The following TENM3 variants were observed in gnomAD, a reference collection of about 807,000 sequenced individuals.
The protein encoded by TENM3 is teneurin transmembrane protein 3.
In TENM3, 63 loss-of-function variants were observed where a neutral mutation model predicts 255.1. The ratio of observed to expected loss-of-function variants is 0.25; its 90% CI spans 0.20 to 0.30. The LOEUF is 0.30. Ranked by LOEUF, TENM3 falls within the 10% of genes least tolerant of loss-of-function variation. The pLI, the probability that TENM3 is intolerant of heterozygous loss-of-function variation, is 1.00. For synonymous variants in TENM3, 1,306 were observed against 1,322.3 expected (o/e 0.99, Z 0.27); for missense variants, 2,929 against 3,461.1 (o/e 0.85, Z 3.86).
At chr4:181,798,722 T>G in the TENM3 span, among the ~76,000 whole-genome samples, 1 of 152,208 alleles carries the variant, frequency 6.6e-6, no homozygotes, top group Non-Finnish European at 1.5e-5. Flanking sequence ...AGATTTGGGT[T>G]AGTATATATT....
chr4:182,488,329 A>G (rs1734954742), intron 3 of TENM3, among the ~76,000 whole-genome samples: 1 of 152,202 alleles, frequency 6.6e-6, no homozygotes, highest in Non-Finnish European at 1.5e-5. Flanking sequence ...ACAAAGTATC[A>G]TGATTTGGTG....
At chr4:182,203,160 T>C (rs1362677208) in intron 1 of TENM3, among the ~76,000 whole-genome samples, 1 of 150,780 alleles carries the variant, frequency 6.6e-6, no homozygotes, top group Non-Finnish European at 1.5e-5. Flanking sequence ...GAGGTTGCAG[T>C]GAGCCGAGAT....
At chr4:182,473,430 T>G (rs1689128902) in intron 3 of TENM3, among the ~76,000 whole-genome samples, 1 of 152,160 alleles carries the variant, frequency 6.6e-6, no homozygotes, top group Admixed American at 6.5e-5. Flanking sequence ...TCCCAGCACT[T>G]TGGGAGGCCA....
chr4:181,941,348 T>C, the TENM3 span, among the ~76,000 whole-genome samples: 1 of 151,984 alleles, frequency 6.6e-6, no homozygotes, highest in Non-Finnish European at 1.5e-5. Context: ...CTATTTCATC[T>C]ATTATTACTT....
the TENM3 span, among the ~76,000 whole-genome samples, chr4:181,625,974 G>A: frequency 2.0e-5 from 3 of 152,270 alleles, no homozygotes; most frequent in Admixed American, 2.0e-4. Flanking sequence ...GCCAAGGTCT[G>A]CACAGGCAAT....
At chr4:182,335,781 T>G (rs1764097971) in intron 2 of TENM3, among the ~76,000 whole-genome samples, 1 of 152,204 alleles carries the variant, frequency 6.6e-6, no homozygotes, top group African/African-American at 2.4e-5. Flanking sequence ...ATAATTCTTA[T>G]GACATATATA....
chr4:182,296,350 T>G (rs567550567), intron 1 of TENM3, among the ~76,000 whole-genome samples: 21 of 152,364 alleles, frequency 1.4e-4, no homozygotes, highest in African/African-American at 4.6e-4. Flanking sequence ...CTGATCAAAG[T>G]TGATCTTTCT....
chr4:181,605,587 A>T, the TENM3 span, among the ~76,000 whole-genome samples: 7 of 39,786 alleles, frequency 1.8e-4, 1 homozygote, highest in South Asian at 2.2e-3. Context: ...AAAGAAAGGA[A>T]AGAAAGAAAG....
chr4:181,938,933 A>G, the TENM3 span, among the ~76,000 whole-genome samples: 1 of 152,212 alleles, frequency 6.6e-6, no homozygotes, highest in African/African-American at 2.4e-5. Flanking sequence ...CATAAATGGT[A>G]CATTGTCCTA....
At chr4:182,630,048 C>T (rs757365519) in intron 5 of TENM3, among the ~76,000 whole-genome samples, 6 of 152,118 alleles carry the variant, frequency 3.9e-5, no homozygotes, top group Non-Finnish European at 5.9e-5. Flanking sequence ...CTCCTTAACC[C>T]GATTACATGC....
chr4:182,301,414 C>A (rs537039438), intron 1 of TENM3, among the ~76,000 whole-genome samples: 1 of 152,194 alleles, frequency 6.6e-6, no homozygotes, highest in East Asian at 1.9e-4. Flanking sequence ...TTCCTCCCCC[C>A]ATTCAGCACA....
chr4:182,400,211 C>G (rs765824432), intron 3 of TENM3, among the ~76,000 whole-genome samples: 2 of 152,052 alleles, frequency 1.3e-5, no homozygotes, highest in Non-Finnish European at 2.9e-5. Flanking sequence ...GCAGAACACA[C>G]GTACAATTTT....
intron 1 of TENM3, among the ~76,000 whole-genome samples, chr4:182,271,207 C>T (rs190028260): frequency 3.9e-5 from 6 of 152,184 alleles, no homozygotes; most frequent in Admixed American, 3.3e-4. Flanking sequence ...TCTTTGTAAC[C>T]AGCTAGTTAT....
chr4:182,069,565 G>A, the TENM3 span, among the ~76,000 whole-genome samples: 38 of 152,124 alleles, frequency 2.5e-4, no homozygotes, highest in African/African-American at 8.9e-4. Context: ...ATTTAGTCTT[G>A]TGTTCAAACC....
chr4:182,235,107 A>G lies in TENM3; in HGVS notation c.-75-88839A>G, dbSNP rs114214496. On this transcript the variant is annotated intron_variant, in intron 1 of 2. Coordinates refer to the TENM3 transcript ENST00000512480. ...CAGTATTCCCCCACTCTGCCCCGCC[A>G]TCTTTGGACCTCACTGGAAGCCAGT... Among the ~76,000 whole-genome samples, 964 of 152,266 alleles carry G rather than the reference A, an allele frequency of 6.3e-3. 5 individuals carry two copies. The highest frequency in any genetic ancestry group is 0.022 in the African/African-American group (914 of 41,564).
the TENM3 span, among the ~76,000 whole-genome samples, chr4:181,880,860 C>G: frequency 1.3e-5 from 2 of 152,146 alleles, no homozygotes; most frequent in African/African-American, 4.8e-5. Context: ...ATGTGCAGGG[C>G]TCCTCCTATG....
chr4:181,796,585 C>A, the TENM3 span, among the ~76,000 whole-genome samples: 250 of 152,196 alleles, frequency 1.6e-3, no homozygotes, highest in African/African-American at 5.6e-3. Flanking sequence ...AGAGGATGAG[C>A]CCCAGGAAGG....
the TENM3 span, among the ~76,000 whole-genome samples, chr4:182,125,885 A>G: frequency 6.6e-6 from 1 of 152,048 alleles, no homozygotes; most frequent in African/African-American, 2.4e-5. Flanking sequence ...GTAGCAAAAT[A>G]TGACAATGCA....
At chr4:182,101,112 A>AGGG in the TENM3 span, among the ~76,000 whole-genome samples, 11 of 20,754 alleles carry the variant, frequency 5.3e-4, no homozygotes, top group Non-Finnish European at 7.9e-4. Flanking sequence ...GGGAGGAAGG[A>AGGG]AAGAAGGAAG....
Sources: allele counts gnomAD v4.1 joint callset (sites outside exome capture counted in the v4.1 genomes callset), GRCh38; gene constraint gnomAD v4.1.1; transcripts MANE v1.5; gene names NCBI Gene and HGNC (gene_info 2026-07-23, HGNC 2026-07-21).